Variants in FHOD3 observed in about 807,000 individuals in gnomAD.
FHOD3 encodes formin homology 2 domain containing 3, also known as FH1/FH2 domain-containing protein 3.
Under a neutral mutation model 173.0 loss-of-function variants are expected in FHOD3, and 90 were observed. The ratio of observed to expected loss-of-function variants is 0.52; its 90% confidence interval spans 0.44 to 0.62. The LOEUF (loss-of-function observed/expected upper bound fraction) is 0.62, where lower values mean the gene tolerates loss of function less well. Among genes scored for constraint, FHOD3 ranks in the 20% least tolerant of loss-of-function variants. FHOD3 has a pLI of 0.00. For missense variants in FHOD3, 1,945 were observed against 2,034.7 expected, an observed-to-expected ratio of 0.96 and a Z score of 0.85; for synonymous variants, 828 against 823.0, an observed-to-expected ratio of 1.01 and a Z score of -0.10.
intron 5 of FHOD3, among the ~76,000 whole-genome samples, chr18:36,550,139 C>T (rs928710534): frequency 6.6e-6 from 1 of 150,790 alleles, no homozygotes; most frequent in Non-Finnish European, 1.5e-5. Flanking sequence ...TTCTCAGAGA[C>T]TGAATTGTCT....
chr18:36,499,292 C>T (rs1216731687), intron 3 of FHOD3, among the ~76,000 whole-genome samples: 2 of 152,008 alleles, frequency 1.3e-5, no homozygotes, highest in Admixed American at 6.6e-5. Context: ...TTAATAGAGA[C>T]GGGCTTTCAC....
At chr18:36,459,629 G>GTAT (rs1599211200) in intron 3 of FHOD3, among the ~76,000 whole-genome samples, 1 of 152,078 alleles carries the variant, frequency 6.6e-6, no homozygotes, top group African/African-American at 2.4e-5. Flanking sequence ...AATGGTCGTG[G>GTAT]TATTAGATGA....
chr18:36,498,570 T>C (rs2054861348), intron 3 of FHOD3, among the ~76,000 whole-genome samples: 1 of 152,140 alleles, frequency 6.6e-6, no homozygotes, highest in Admixed American at 6.5e-5. Flanking sequence ...GACAAATTCC[T>C]TGAAAGACAC....
At chr18:36,356,029 C>T (rs557170501) in intron 2 of FHOD3, among the ~76,000 whole-genome samples, 16 of 152,182 alleles carry the variant, frequency 1.1e-4, no homozygotes, top group African/African-American at 3.9e-4. Context: ...TCTGGGAGGC[C>T]GAGGCTGCAG....
chr18:36,778,345 G>A (rs2043840953), intron 28 of FHOD3: 1 of 152,178 alleles, frequency 6.6e-6, no homozygotes, highest in Non-Finnish European at 1.5e-5. Flanking sequence ...AGGAACTCTG[G>A]CTGATTTAGG....
At chr18:36,731,732 G>A (rs2041371297) in intron 20 of FHOD3, among the ~76,000 whole-genome samples, 1 of 152,246 alleles carries the variant, frequency 6.6e-6, no homozygotes, top group Admixed American at 6.5e-5. Context: ...AAAGTTGAGA[G>A]TGAGGAAGGG....
rs556853564 is a variant in FHOD3 at position 36,361,696 on chromosome 18, A to C, written c.272+6051A>C. 2.6e-5 allele frequency among the ~76,000 whole-genome samples: 4 copies of C among 151,902 alleles called. No individual in the cohort carries two copies. The East Asian group carries it at 7.7e-4, about 29-fold the overall frequency. On this transcript the variant is annotated intron_variant, in intron 2 of 28. Transcript: ENST00000590592. ...GCAAGACTCCGTCTCAAAAAAAAAA[A>C]AAAAAGAAAAAAAAAGAAAAATGCT...
chr18:36,611,502 C>T (rs1227507596), intron 8 of FHOD3, among the ~76,000 whole-genome samples: 3 of 152,168 alleles, frequency 2.0e-5, no homozygotes, highest in Non-Finnish European at 2.9e-5. Flanking sequence ...GCTCCTGCCT[C>T]GAGGCCAGTG....
At chr18:36,686,636 A>T in intron 15 of FHOD3, among the ~76,000 whole-genome samples, 1 of 4,688 alleles carries the variant, frequency 2.1e-4, no homozygotes, top group African/African-American at 9.2e-4. Flanking sequence ...GTATCCTGGA[A>T]ATAAAAAAAA....
chr18:36,624,643 G>C (rs2033961394), intron 9 of FHOD3, among the ~76,000 whole-genome samples: 1 of 151,962 alleles, frequency 6.6e-6, no homozygotes, highest in Admixed American at 6.6e-5. Context: ...CTGGTCTTCT[G>C]CAGAGGGCGC....
intron 6 of FHOD3, among the ~76,000 whole-genome samples, chr18:36,580,934 G>A (rs2058828786): frequency 6.6e-6 from 1 of 152,200 alleles, no homozygotes; most frequent in Non-Finnish European, 1.5e-5. Context: ...CAGTCACAGA[G>A]TTGATAAAGG....
chr18:36,465,789 G>T (rs1326248967), intron 3 of FHOD3, among the ~76,000 whole-genome samples: 1 of 152,016 alleles, frequency 6.6e-6, no homozygotes, highest in Non-Finnish European at 1.5e-5. Context: ...GGTTCAATTT[G>T]TACTGCTTGC....
intron 12 of FHOD3, 90 bp downstream of exon 12, chr18:36,653,019 A>G: frequency 7.0e-7 from 1 of 1,436,974 alleles, no homozygotes; most frequent in Non-Finnish European, 9.1e-7. Context: ...GGCTTCTGCC[A>G]TGTTTTTTTG....
At chr18:36,337,171 C>CAAAA (rs772519016) in intron 1 of FHOD3, among the ~76,000 whole-genome samples, 31 of 63,700 alleles carry the variant, frequency 4.9e-4, no homozygotes, top group African/African-American at 1.8e-3. Flanking sequence ...GACTCTGTCT[C>CAAAA]AAAAAAAAAA....
chr18:36,509,100 A>G (rs762138292), intron 4 of FHOD3, among the ~76,000 whole-genome samples: 33 of 152,226 alleles, frequency 2.2e-4, no homozygotes, highest in Non-Finnish European at 4.1e-4. Flanking sequence ...CAAAATCTGG[A>G]CTGTGGGCTA....
At chr18:36,625,382 C>A in intron 9 of FHOD3, 129 bp from the exon 10 acceptor site, 1 of 778,602 alleles carries the variant, frequency 1.3e-6, no homozygotes, top group Non-Finnish European at 1.9e-6. Flanking sequence ...GGCAGGGAAG[C>A]TGAGGCGTGC....
intron 14 of FHOD3, among the ~76,000 whole-genome samples, chr18:36,676,095 A>T (rs1456207745): frequency 6.6e-6 from 1 of 152,250 alleles, no homozygotes; most frequent in African/African-American, 2.4e-5. Flanking sequence ...GTTATAGAGC[A>T]ATAAAGAGTA....
chr18:36,455,268 A>G (rs2052115053), intron 3 of FHOD3, among the ~76,000 whole-genome samples: 1 of 152,230 alleles, frequency 6.6e-6, no homozygotes, highest in Non-Finnish European at 1.5e-5. Flanking sequence ...GCTTCTGGCA[A>G]GATGCTGGCT....
intron 19 of FHOD3, among the ~76,000 whole-genome samples, chr18:36,721,063 G>A (rs1053935179): frequency 1.3e-5 from 2 of 152,168 alleles, no homozygotes; most frequent in Non-Finnish European, 2.9e-5. Flanking sequence ...TAATATTCTA[G>A]CCTCTTTTGT....
Sources: allele counts gnomAD v4.1 joint callset (sites outside exome capture counted in the v4.1 genomes callset), GRCh38; gene constraint gnomAD v4.1.1; transcripts MANE v1.5; gene names NCBI Gene and HGNC (gene_info 2026-07-23, HGNC 2026-07-21).